Variants in B3GALT5 observed in about 807,000 individuals in gnomAD.
B3GALT5 encodes UDP-Gal:betaGlcNAc beta 1,3-galactosyltransferase, polypeptide 5.
For missense variants in B3GALT5, 328 were observed against 396.6 expected (o/e 0.83, Z 1.47); for synonymous variants, 156 against 158.6 (o/e 0.98, Z 0.12).
intron 1 of B3GALT5, among the ~76,000 whole-genome samples, chr21:39,635,095 A>T (rs2079217717): frequency 6.6e-6 from 1 of 152,258 alleles, no homozygotes; most frequent in Non-Finnish European, 1.5e-5. Flanking sequence ...ATGGTAGCAT[A>T]AGATAAATGG....
At chr21:39,629,808 T>C (rs1243845875) in intron 1 of B3GALT5, among the ~76,000 whole-genome samples, 3 of 152,206 alleles carry the variant, frequency 2.0e-5, no homozygotes, top group Non-Finnish European at 4.4e-5. Flanking sequence ...TAATTCCTGG[T>C]TTTATTGTTT....
Position 39,661,217 on chromosome 21 carries a change from G to C in B3GALT5, c.658G>C (p.Val220Leu). The C allele has an allele frequency of 1.2e-6, 2 of 1,614,178 alleles. No homozygotes were observed. The highest frequency in any genetic ancestry group is 1.7e-6 in the Non-Finnish European group (2 of 1,180,046). ...YPPFCSGTGY[V>L]FSGDVASQVY... ...ACCATTCTGCTCCGGCACCGGCTACGTGTTTTCTGGCGACGTGGCGAGTCA... is the reference window on the plus strand; with the variant it reads ...ACCATTCTGCTCCGGCACCGGCTACCTGTTTTCTGGCGACGTGGCGAGTCA... The change falls in exon 4 of 4, where the codon GTG becomes CTG. Residue 220 changes from valine (V) to leucine (L), a missense_variant. Val to Leu is a conservative substitution (Grantham distance 32). Transcript: ENST00000684187. This position sits in a 1 kb window ranked among gnomAD's most constrained non-coding sequence, Gnocchi z 4.7.
chr21:39,632,112 G>T (rs2079195881), intron 1 of B3GALT5, among the ~76,000 whole-genome samples: 1 of 152,206 alleles, frequency 6.6e-6, no homozygotes, highest in Non-Finnish European at 1.5e-5. Flanking sequence ...CAGCCTGGTG[G>T]CTGGCATGGA....
chr21:39,631,837 A>G (rs1279058180), intron 1 of B3GALT5, among the ~76,000 whole-genome samples: 2 of 152,198 alleles, frequency 1.3e-5, no homozygotes, highest in African/African-American at 4.8e-5. Context: ...GATGCTGGTG[A>G]AGCCTACTTT....
At position 39,672,642 on chromosome 21, in the gene B3GALT5, C is replaced by T. The variant is rs1028423883; in HGVS notation, c.*11150C>T. ...TTGTCGATTGATGTGATAATTCACT[C>T]TTCCCGAAAAATTGGCAAGGTAATG... On this transcript the variant is annotated 3_prime_UTR_variant, in exon 4 of 4. Transcript: ENST00000684187. 2 of 152,184 alleles carry T rather than the reference C, an allele frequency of 1.3e-5. No individual in the cohort carries two copies. Among genetic ancestry groups the T allele is most frequent in the Non-Finnish European group, 2.9e-5 (2 of 68,036 alleles). The allele number at this position is 152,184 out of a possible 1,614,324, so 9.4% of individuals were successfully genotyped here.
intron 1 of B3GALT5, among the ~76,000 whole-genome samples, chr21:39,629,980 T>C (rs989934355): frequency 6.6e-6 from 1 of 152,242 alleles, no homozygotes; most frequent in Non-Finnish European, 1.5e-5. Context: ...TAGCATAAGT[T>C]TGAATTTTTT....
rs529677466 is a variant in B3GALT5, at chr21:39,671,282, A to AT, written c.*9797dup. The AT allele has an allele frequency of 3.9e-5, 6 of 152,100 alleles. No homozygotes were observed. The highest frequency in any genetic ancestry group is 1.5e-4 in the African/African-American group (6 of 41,374). 9.4% of individuals were successfully genotyped at this position (152,100 alleles called of 1,614,324 possible). On this transcript the variant is annotated 3_prime_UTR_variant, in exon 4 of 4. Coordinates refer to ENST00000684187, the MANE Select transcript of B3GALT5 (RefSeq NM_001356336.2). ...CAGGAATTATTTGCTTTCTCATAAC[A>AT]TTTTTTTAATTAATTAATTTTCAGC...
intron 2 of B3GALT5, among the ~76,000 whole-genome samples, chr21:39,656,646 C>G (rs953764994): frequency 2.0e-5 from 3 of 152,198 alleles, no homozygotes; most frequent in African/African-American, 7.2e-5. Flanking sequence ...CCAGACCCCC[C>G]CTTCAGTTTT....
In B3GALT5 at chr21:39,667,526, A is replaced by G. The variant is rs1466453091; in HGVS notation, c.*6034A>G. 3 of 152,204 alleles carry G rather than the reference A, an allele frequency of 2.0e-5. No individual in the cohort carries two copies. Among genetic ancestry groups the G allele is most frequent in the Non-Finnish European group, 4.4e-5 (3 of 68,042 alleles). 9.4% of individuals were successfully genotyped at this position (152,204 alleles called of 1,614,324 possible). A position where few individuals can be genotyped will look rare whatever the true frequency, so the allele number is the denominator to read the frequency against. On this transcript the variant is annotated 3_prime_UTR_variant, in exon 4 of 4. Coordinates refer to ENST00000684187, the MANE Select transcript of B3GALT5 (RefSeq NM_001356336.2). ...AAGGAAGCATTGTGTGTGTGTGTGC[A>G]CACCCCAAGGTTGTGCAGCTAGAAG... is the stretch of plus-strand genomic sequence containing the variant.
intron 1 of B3GALT5, among the ~76,000 whole-genome samples, chr21:39,622,354 G>A (rs780672301): frequency 8.2e-4 from 125 of 152,134 alleles, no homozygotes; most frequent in Non-Finnish European, 1.5e-3. Context: ...TAAAAGAAAT[G>A]TGTAAAAATA....
chr21:39,657,704 C>T lies in B3GALT5; in HGVS notation c.-160-2049C>T. Reference sequence around the variant, plus strand: ...ATCTGTCTACCTACCGACTTACCTACCTACCTGCCTATCTATCTTTTGATT... The same window carrying T: ...ATCTGTCTACCTACCGACTTACCTATCTACCTGCCTATCTATCTTTTGATT... On this transcript the variant is annotated intron_variant, in intron 2 of 3. Coordinates refer to ENST00000684187, the MANE Select transcript of B3GALT5 (RefSeq NM_001356336.2). 5 of 450,102 alleles carry T rather than the reference C, an allele frequency of 1.1e-5. No homozygotes were observed. The East Asian group carries it at 1.8e-4, about 16-fold the overall frequency. The allele number at this position is 450,102 out of a possible 1,614,324, so 27.9% of individuals were successfully genotyped here.
intron 2 of B3GALT5, among the ~76,000 whole-genome samples, chr21:39,659,113 G>A (rs1379718935): frequency 2.6e-5 from 4 of 152,122 alleles, no homozygotes; most frequent in African/African-American, 9.7e-5. Flanking sequence ...GGTGGCATGC[G>A]CCTGTGGTCA....
At chr21:39,634,160 A>G (rs2079210347) in intron 1 of B3GALT5, among the ~76,000 whole-genome samples, 1 of 152,172 alleles carries the variant, frequency 6.6e-6, no homozygotes, top group Admixed American at 6.5e-5. Context: ...GTCGGGTCTT[A>G]TTAAATTGAC....
intron 2 of B3GALT5, among the ~76,000 whole-genome samples, chr21:39,653,857 T>G (rs2079417137): frequency 1.3e-5 from 2 of 152,248 alleles, no homozygotes; most frequent in African/African-American, 4.8e-5. Context: ...GTATATTCTT[T>G]GGAACTGTCT....
chr21:39,655,593 A>T (rs761000768), intron 2 of B3GALT5, among the ~76,000 whole-genome samples: 7 of 152,178 alleles, frequency 4.6e-5, no homozygotes, highest in Non-Finnish European at 7.3e-5. Flanking sequence ...GGGTAGGTCC[A>T]GGTCTGATGG....
rs777967860 is a variant in B3GALT5 at position 39,660,919 on chromosome 21, C to G, written c.360C>G (p.Ile120Met). 2 of 1,609,448 alleles carry G rather than the reference C, an allele frequency of 1.2e-6. No individual in the cohort carries two copies. Among genetic ancestry groups the G allele is most frequent in the South Asian group, 2.2e-5 (2 of 90,164 alleles). The part of the protein sequence containing the change: ...DQESQRHGDI[I>M]QKDFLDVYYN... ...AGAGCCAGCGACACGGGGACATTAT[C>G]CAGAAGGATTTCCTAGACGTCTATT... is the stretch of plus-strand genomic sequence containing the variant. Residue 120 changes from isoleucine to methionine, a missense_variant, in exon 4 of 4, where the codon ATC (isoleucine) becomes ATG (methionine). Ile to Met is a conservative substitution (Grantham distance 10). Coordinates refer to ENST00000684187, the MANE Select transcript of B3GALT5 (RefSeq NM_001356336.2).
At chr21:39,641,635 A>G (rs2079291234) in intron 1 of B3GALT5, among the ~76,000 whole-genome samples, 1 of 152,176 alleles carries the variant, frequency 6.6e-6, no homozygotes, top group Non-Finnish European at 1.5e-5. Flanking sequence ...TCTTCGATTG[A>G]ATCTGATCTC....
At chr21:39,649,351 C>T (rs143371133) in intron 2 of B3GALT5, among the ~76,000 whole-genome samples, 13 of 152,252 alleles carry the variant, frequency 8.5e-5, no homozygotes, top group East Asian at 3.9e-4. Context: ...CTCTGCACAC[C>T]GTGCTGTTTC....
At chr21:39,617,425 C>T (rs943397842) in intron 1 of B3GALT5, among the ~76,000 whole-genome samples, 2 of 152,106 alleles carry the variant, frequency 1.3e-5, no homozygotes, top group African/African-American at 2.4e-5. Context: ...ACAATCATGG[C>T]GGAAGGGGAG....
Sources: allele counts gnomAD v4.1 joint callset (sites outside exome capture counted in the v4.1 genomes callset), GRCh38; gene constraint gnomAD v4.1.1; non-coding constraint Gnocchi (gnomAD v3.1); transcripts MANE v1.5; gene names NCBI Gene and HGNC (gene_info 2026-07-23, HGNC 2026-07-21).